ZNF391: variants seen among roughly 807,000 people sequenced by gnomAD.
ZNF391 encodes zinc finger protein 391.
For missense variants in ZNF391, 375 were observed against 425.5 expected, an observed-to-expected ratio of 0.88 and a Z score of 1.04; for synonymous variants, 126 against 142.1, an observed-to-expected ratio of 0.89 and a Z score of 0.80.
intron 1 of ZNF391, among the ~76,000 whole-genome samples, chr6:27,381,130 G>A (rs372606308): frequency 6.6e-6 from 1 of 152,208 alleles, no homozygotes; most frequent in South Asian, 2.1e-4. Context: ...GGCGCTCATC[G>A]GGGAGGCTTG....
rs1374665679 is a variant in ZNF391, at chr6:27,401,511, T to C, written c.*64T>C. 3.2e-6 allele frequency: 4 copies of C among 1,242,126 alleles called. No individual in the cohort carries two copies. The African/African-American group carries it at 4.5e-5, about 14-fold the overall frequency. 76.9% of individuals were successfully genotyped at this position (1,242,126 alleles called of 1,614,324 possible). On this transcript the variant is annotated 3_prime_UTR_variant, in exon 3 of 3. Transcript: ENST00000244576. ...TACCTAACCTCCCACCACTGAAATA[T>C]ATATATTTCAAGTATATATATACTT... is the stretch of plus-strand genomic sequence containing the variant.
chr6:27,402,323 A>G lies in ZNF391; in HGVS notation c.*876A>G, dbSNP rs899017262. On this transcript the variant is annotated 3_prime_UTR_variant, in exon 3 of 3. Transcript: ENST00000244576. ...CCAATCTTGGAAGATTGATCTCTCA[A>G]GGACAAACCCAGTGCCTATTTCTCA... The G allele has an allele frequency of 6.6e-6, 1 of 152,126 alleles. No individual in the cohort carries two copies. Among genetic ancestry groups the G allele is most frequent in the South Asian group, 2.1e-4 (1 of 4,808 alleles). 9.4% of individuals were successfully genotyped at this position (152,126 alleles called of 1,614,324 possible).
At chr6:27,385,908 A>G (rs1339107560), upstream of ZNF391, among the ~76,000 whole-genome samples, 1 of 152,186 alleles carries the variant, frequency 6.6e-6, no homozygotes, top group Non-Finnish European at 1.5e-5. Flanking sequence ...ATTTAAAAGA[A>G]TAGAAATCAT....
chr6:27,389,319 G>A (rs1295048357), intron 1 of ZNF391: 2 of 455,238 alleles, frequency 4.4e-6, no homozygotes, highest in South Asian at 3.1e-5. Context: ...AAAAGAGCAG[G>A]GTTGCTCCCT....
At chr6:27,389,107 A>C (rs1348158531) in intron 1 of ZNF391, 32 bp downstream of exon 1, 2 of 456,534 alleles carry the variant, frequency 4.4e-6, no homozygotes, top group Non-Finnish European at 8.8e-6. Context: ...GGAAAGCGGA[A>C]ACACGGGTTC....
chr6:27,386,919 T>C (rs866691617), upstream of ZNF391, among the ~76,000 whole-genome samples: 1 of 152,028 alleles, frequency 6.6e-6, no homozygotes, highest in Non-Finnish European at 1.5e-5. Context: ...AAGGACACTA[T>C]CAAAAGAGAG....
At chr6:27,384,463 CAA>C (rs149396774), upstream of ZNF391, among the ~76,000 whole-genome samples, 543 of 121,370 alleles carry the variant, frequency 4.5e-3, 2 homozygotes, top group African/African-American at 0.016. Flanking sequence ...GACTCTATCT[CAA>C]AAAAAAAAAA....
intron 1 of ZNF391, 69 bp downstream of exon 1, chr6:27,389,144 C>T (rs1195214820): frequency 4.4e-6 from 2 of 456,436 alleles, no homozygotes; most frequent in Non-Finnish European, 8.8e-6. Context: ...GAAAGGGTCG[C>T]GTGTGGTTTG....
Position 27,401,020 on chromosome 6 carries a change from A to C in ZNF391, c.650A>C (p.Gln217Pro). ...NLSQHQRTHT[Q>P]ERPYKCNECG... The stretch of plus-strand genomic sequence containing the variant: ...AGTCAGCATCAGCGAACTCATACTC[A>C]AGAAAGGCCTTACAAATGTAATGAA... Residue 217 changes from glutamine (Q) to proline (P), a missense_variant, in exon 3 of 3, where the codon CAA (glutamine) becomes CCA (proline). Physicochemically the swap from Gln to Pro is moderately conservative, Grantham distance 76. Transcript: ENST00000244576. 6.2e-7 allele frequency: 1 copy of C among 1,614,202 alleles called. No individual in the cohort carries two copies. The highest frequency in any genetic ancestry group is 8.5e-7 in the Non-Finnish European group (1 of 1,180,030).
At chr6:27,396,834 A>G (rs755027106) in intron 1 of ZNF391, among the ~76,000 whole-genome samples, 3 of 152,208 alleles carry the variant, frequency 2.0e-5, no homozygotes, top group Admixed American at 1.3e-4. Flanking sequence ...TTTTAGTTTC[A>G]GGTAATTATT....
At position 27,401,410 on chromosome 6, in the gene ZNF391, C is replaced by T. The variant is rs200883853; in HGVS notation, c.1040C>T (p.Thr347Ile). The change falls in exon 3 of 3, where the codon ACT (threonine) becomes ATT (isoleucine). Residue 347 changes from threonine (T) to isoleucine (I), a missense_variant. Physicochemically the swap from Thr to Ile is moderately conservative, Grantham distance 89 (BLOSUM62 -1). Coordinates refer to ENST00000244576, the MANE Select transcript of ZNF391 (RefSeq NM_001076781.3). The part of the protein sequence containing the change: ...DCGKAFCQSS[T>I]LIRHQHLHTK... ...GGAAAAGCCTTCTGTCAGAGTTCAA[C>T]TCTGATCAGACATCAGCACCTTCAT... The T allele has an allele frequency of 1.6e-3, 2,580 of 1,611,796 alleles. 25 individuals carry two copies. Among genetic ancestry groups the T allele is most frequent in the Non-Finnish European group, 8.0e-4 (941 of 1,179,934 alleles).
At chr6:27,381,927 G>A (rs1402368029) in intron 1 of ZNF391, among the ~76,000 whole-genome samples, 9 of 151,320 alleles carry the variant, frequency 5.9e-5, no homozygotes, top group Admixed American at 5.3e-4. Context: ...CCAGCTACTC[G>A]GGAGGCTGAG....
chr6:27,394,410 C>G (rs1234858730), intron 1 of ZNF391, among the ~76,000 whole-genome samples: 1 of 152,226 alleles, frequency 6.6e-6, no homozygotes, highest in Non-Finnish European at 1.5e-5. Flanking sequence ...AGCTGTAAGC[C>G]TTGGTGGCTT....
rs138370055 is a variant in ZNF391 at position 27,393,599 on chromosome 6, A to G, written c.-188+4524A>G. 2.8e-4 allele frequency among the ~76,000 whole-genome samples: 42 copies of G among 152,356 alleles called. No homozygotes were observed. The East Asian group carries it at 7.7e-3, about 28-fold the overall frequency. ...CTGAGGAGCTGGCTTGGCTATAAAGATACTTAAAAATGTGAAAGGAACTTT... is the reference window on the plus strand; with the variant it reads ...CTGAGGAGCTGGCTTGGCTATAAAGGTACTTAAAAATGTGAAAGGAACTTT... On this transcript the variant is annotated intron_variant, in intron 1 of 2. Coordinates refer to ENST00000244576, the MANE Select transcript of ZNF391 (RefSeq NM_001076781.3).
chr6:27,375,806 A>G (rs753999905), intron 1 of ZNF391, among the ~76,000 whole-genome samples: 1 of 152,214 alleles, frequency 6.6e-6, no homozygotes, highest in Non-Finnish European at 1.5e-5. Flanking sequence ...CGTCTTGAAC[A>G]AAGAATTGAA....
chr6:27,384,152 A>C (rs2393929), upstream of ZNF391, among the ~76,000 whole-genome samples: 107,039 of 151,952 alleles, frequency 0.7, 37,960 homozygotes, highest in Middle Eastern at 0.8. Context: ...AGAAGTTAAA[A>C]CTTGGAAATA....
chr6:27,401,066 C>T lies in ZNF391; in HGVS notation c.696C>T (p.Asp232=). The change falls in exon 3 of 3, where the codon GAC becomes GAT. Residue 232 remains aspartate (D), a synonymous_variant. Transcript: ENST00000244576. ...KCNECGKAFG[D]RSTIIQHQRI... Reference sequence around the variant, plus strand: ...ATGAATGTGGGAAAGCCTTCGGTGACCGTTCAACCATAATTCAGCATCAAC... The same window carrying T: ...ATGAATGTGGGAAAGCCTTCGGTGATCGTTCAACCATAATTCAGCATCAAC... 6.2e-7 allele frequency: 1 copy of T among 1,613,928 alleles called. No individual in the cohort carries two copies. Among genetic ancestry groups the T allele is most frequent in the South Asian group, 1.1e-5 (1 of 91,066 alleles).
At position 27,403,902 on chromosome 6, in the gene ZNF391, T is replaced by A. The variant is rs1434896247; in HGVS notation, c.*2455T>A. ...TAAATTCTAATTGTTATGATTCTAG[T>A]GATTCACATCTGCCTATAGCTTTTT... On this transcript the variant is annotated 3_prime_UTR_variant, in exon 3 of 3. Transcript: ENST00000244576. 1 of 152,230 alleles carries A rather than the reference T, an allele frequency of 6.6e-6. No individual in the cohort carries two copies. The highest frequency in any genetic ancestry group is 2.4e-5 in the African/African-American group (1 of 41,460). The allele number at this position is 152,230 out of a possible 1,614,324, so 9.4% of individuals were successfully genotyped here.
chr6:27,381,440 C>T (rs1009540863), intron 1 of ZNF391, among the ~76,000 whole-genome samples: 17 of 152,276 alleles, frequency 1.1e-4, no homozygotes, highest in African/African-American at 3.9e-4. Flanking sequence ...GCGCTTCTCC[C>T]TCCACACCTA....
Sources: allele counts gnomAD v4.1 joint callset (sites outside exome capture counted in the v4.1 genomes callset), GRCh38; gene constraint gnomAD v4.1.1; transcripts MANE v1.5; gene names NCBI Gene and HGNC (gene_info 2026-07-23, HGNC 2026-07-21).